Variants in PLA2G4D observed in about 807,000 individuals in gnomAD.
PLA2G4D encodes the protein cytosolic phospholipase A2 delta.
PLA2G4D carries 80 observed loss-of-function variants against 94.4 expected under a neutral mutation model. That is an observed-to-expected ratio of 0.85 (90% CI 0.71 to 1.02). The LOEUF (loss-of-function observed/expected upper bound fraction) is 1.02. Among genes scored for constraint, PLA2G4D ranks in the 50% least tolerant of loss-of-function variants. The pLI is 0.00. For synonymous variants in PLA2G4D, 438 were observed against 440.9 expected (o/e 0.99, Z 0.08); for missense variants, 1,050 against 1,034.7 (o/e 1.01, Z -0.20).
In PLA2G4D at chr15:42,069,953, T is replaced by A; in HGVS notation, c.2186A>T (p.His729Leu). ...PACPEAPILLHFPLVNASFKD... is the reference protein window; with the variant it reads ...PACPEAPILLLFPLVNASFKD... ...GAAGGAGGCATTGACCAGCGGGAAG[T>A]GCAGCAGGATCGGGGCCTCGGGGCA... Residue 729 changes from histidine to leucine, a missense_variant, in exon 19 of 20, where the codon CAC becomes CTC. Transcript: ENST00000290472. 6.9e-7 allele frequency: 1 copy of A among 1,459,296 alleles called. No individual in the cohort carries two copies. 90.4% of individuals were successfully genotyped at this position (1,459,296 alleles called of 1,614,324 possible). A position where few individuals can be genotyped will look rare whatever the true frequency, so the allele number is the denominator to read the frequency against.
Position 42,085,458 on chromosome 15 carries a change from GAGA to G in PLA2G4D, c.428+30_428+32del, listed in dbSNP as rs755841916. ...GCCATTTCCTCAGAGCCTGAGTCCT[GAGA>G]CACTCCCTGGGCTGTGTGACATTAC... On this transcript the variant is annotated intron_variant, in intron 5 of 19. Coordinates refer to ENST00000290472, the MANE Select transcript of PLA2G4D (RefSeq NM_178034.4). The G allele has an allele frequency of 2.5e-6, 4 of 1,612,732 alleles. No homozygotes were observed. The East Asian group carries it at 8.9e-5, about 36-fold the overall frequency.
intron 9 of PLA2G4D, 97 bp downstream of exon 9, chr15:42,082,182 T>C: frequency 9.5e-7 from 1 of 1,049,788 alleles, no homozygotes; most frequent in Non-Finnish European, 1.4e-6. Flanking sequence ...TCCGCCTGCC[T>C]TGGCCTCCCA....
rs372388656 is a variant in PLA2G4D at position 42,081,470 on chromosome 15, C to A, written c.957+9G>T. ...ATATCTGCACACACATCCCTCTGCACCCCCAGACCTCATCCTCCTGCAGGT... is the reference window on the plus strand; with the variant it reads ...ATATCTGCACACACATCCCTCTGCAACCCCAGACCTCATCCTCCTGCAGGT... On this transcript the variant is annotated intron_variant, in intron 11 of 19. Transcript: ENST00000290472. 130 of 1,612,524 alleles carry A rather than the reference C, an allele frequency of 8.1e-5. No individual in the cohort carries two copies. The East Asian group carries it at 1.7e-3, about 22-fold the overall frequency.
chr15:42,080,909 C>T (rs1019323109), intron 12 of PLA2G4D, 88 bp downstream of exon 12: 1 of 1,486,294 alleles, frequency 6.7e-7, no homozygotes, highest in Non-Finnish European at 9.0e-7. Context: ...CCTACTTGGC[C>T]TCCCCACACA....
At chr15:42,069,698 A>G (rs1889761996) in intron 19 of PLA2G4D, among the ~76,000 whole-genome samples, 1 of 152,162 alleles carries the variant, frequency 6.6e-6, no homozygotes, top group South Asian at 2.1e-4. Context: ...GGACCCCTGC[A>G]TAGCGACCCT....
intron 1 of PLA2G4D, among the ~76,000 whole-genome samples, chr15:42,091,112 T>C (rs1890237511): frequency 6.6e-6 from 1 of 152,230 alleles, no homozygotes; most frequent in African/African-American, 2.4e-5. Context: ...CGTGTCTTTC[T>C]GTAGGGTGAC....
At chr15:42,078,515 C>CCT in intron 13 of PLA2G4D, among the ~76,000 whole-genome samples, 1 of 152,190 alleles carries the variant, frequency 6.6e-6, no homozygotes, top group African/African-American at 2.4e-5. Context: ...ATATGTATAG[C>CCT]TAATAACAAA....
chr15:42,071,965 C>T, intron 14 of PLA2G4D, 54 bp from the exon 15 acceptor site: 3 of 1,589,758 alleles, frequency 1.9e-6, no homozygotes, highest in Non-Finnish European at 2.6e-6. Flanking sequence ...TTGCGGGAGT[C>T]CCCAGCTCTG....
intron 13 of PLA2G4D, among the ~76,000 whole-genome samples, chr15:42,076,739 A>T (rs560771477): frequency 6.6e-6 from 1 of 152,344 alleles, no homozygotes; most frequent in South Asian, 2.1e-4. Context: ...AGCAACTATT[A>T]TACACTGGTA....
chr15:42,070,448 T>A (rs1273719377), intron 18 of PLA2G4D: 2 of 529,674 alleles, frequency 3.8e-6, no homozygotes, highest in African/African-American at 3.8e-5. Context: ...ATGGAGATGC[T>A]AGGGTCTCCT....
rs919949530 is a variant in PLA2G4D at position 42,067,425 on chromosome 15, C to A, written c.*1290G>T. ...GTATGGTGTTACATGCCTGTAGTCCCAGCTACTTGGGAGGCTGAAGTGGAA... is the reference window on the plus strand; with the variant it reads ...GTATGGTGTTACATGCCTGTAGTCCAAGCTACTTGGGAGGCTGAAGTGGAA... On this transcript the variant is annotated 3_prime_UTR_variant, in exon 20 of 20. Coordinates refer to ENST00000290472, the MANE Select transcript of PLA2G4D (RefSeq NM_178034.4). 1 of 151,594 alleles carries A rather than the reference C, an allele frequency of 6.6e-6. No homozygotes were observed. The highest frequency in any genetic ancestry group is 2.4e-5 in the African/African-American group (1 of 41,216). The allele number at this position is 151,594 out of a possible 1,614,324, so 9.4% of individuals were successfully genotyped here.
Position 42,071,442 on chromosome 15 carries a change from A to T in PLA2G4D, c.1681+2T>A, listed in dbSNP as rs1157668124. 1 of 1,609,460 alleles carries T rather than the reference A, an allele frequency of 6.2e-7. No individual in the cohort carries two copies. Among genetic ancestry groups the T allele is most frequent in the Admixed American group, 1.7e-5 (1 of 59,590 alleles). On this transcript the variant is annotated splice_donor_variant, in intron 16 of 19. Coordinates refer to ENST00000290472, the MANE Select transcript of PLA2G4D (RefSeq NM_178034.4). LOFTEE classifies it high-confidence loss of function. ...GCCCCTCAGTGCCCCTGCCCTTCCC[A>T]CCTAAGCTCCTGGTCTTGTCCTTGA...
At chr15:42,088,185 C>T (rs929262775) in intron 1 of PLA2G4D, among the ~76,000 whole-genome samples, 1 of 152,238 alleles carries the variant, frequency 6.6e-6, no homozygotes, top group African/African-American at 2.4e-5. Flanking sequence ...CCTCAGCAGC[C>T]CAGTCCACAG....
At position 42,085,139 on chromosome 15, in the gene PLA2G4D, C is replaced by A; in HGVS notation, c.429-1G>T. On this transcript the variant is annotated splice_acceptor_variant, in intron 5 of 19. Transcript: ENST00000290472. LOFTEE classifies it high-confidence loss of function. ...GATGAGGTTTTCTGGGCGATCTGAC[C>A]TGGAAAAATCAAACCATGCAAAGGC... The A allele has an allele frequency of 6.2e-7, 1 of 1,614,198 alleles. No individual in the cohort carries two copies. The highest frequency in any genetic ancestry group is 8.5e-7 in the Non-Finnish European group (1 of 1,180,038).
At chr15:42,089,243 G>C (rs1463705573) in intron 1 of PLA2G4D, among the ~76,000 whole-genome samples, 2 of 152,202 alleles carry the variant, frequency 1.3e-5, no homozygotes, top group African/African-American at 4.8e-5. Context: ...GTGGTTGGAA[G>C]TTCTCGGTGC....
chr15:42,089,584 G>A (rs1243852415), intron 1 of PLA2G4D, among the ~76,000 whole-genome samples: 2 of 152,198 alleles, frequency 1.3e-5, no homozygotes, highest in African/African-American at 2.4e-5. Flanking sequence ...CAGCAGCAGA[G>A]ATTTCATGAA....
At chr15:42,069,038 C>A in intron 19 of PLA2G4D, 97 bp from the exon 20 acceptor site, 1 of 1,013,584 alleles carries the variant, frequency 9.9e-7, no homozygotes, top group South Asian at 1.5e-5. Context: ...GGAGGGGCCC[C>A]TGCTTTCCTC....
intron 1 of PLA2G4D, among the ~76,000 whole-genome samples, chr15:42,088,818 G>A (rs181655869): frequency 4.6e-5 from 7 of 152,132 alleles, no homozygotes; most frequent in African/African-American, 1.4e-4. Context: ...CCTGTGCCGG[G>A]GAGTGGGGCA....
chr15:42,071,377 C>T (rs1477137876), intron 16 of PLA2G4D, 60 bp from the exon 17 acceptor site: 17 of 1,568,616 alleles, frequency 1.1e-5, no homozygotes, highest in South Asian at 8.2e-5. Context: ...CCTCAGACAC[C>T]GCACACCGCA....
Sources: gnomAD v4.1 joint callset for allele counts (sites outside exome capture counted in the v4.1 genomes callset) on GRCh38, gnomAD v4.1.1 for gene constraint, MANE v1.5 for transcripts, NCBI Gene and HGNC (gene_info 2026-07-23, HGNC 2026-07-21) for gene names.